SLAMF7: variants seen among roughly 807,000 people sequenced by gnomAD.
SLAMF7 encodes SLAM family member 7.
In SLAMF7, 26 loss-of-function variants were observed where a neutral mutation model predicts 34.1. That is an observed-to-expected ratio of 0.76 (90% CI 0.56 to 1.06). SLAMF7 has a LOEUF of 1.06. Among genes scored for constraint, SLAMF7 ranks in the 50% least tolerant of loss-of-function variants. SLAMF7 has a pLI of 0.00. For missense variants in SLAMF7, 399 were observed against 402.5 expected (o/e 0.99, Z 0.07); for synonymous variants, 171 against 156.4 (o/e 1.09, Z -0.70).
At position 160,751,408 on chromosome 1, in the gene SLAMF7, C is replaced by T; in HGVS notation, c.833C>T (p.Ser278Phe). The change falls in exon 5 of 7, where the codon TCT (serine) becomes TTT (phenylalanine). Residue 278 changes from serine to phenylalanine, a missense_variant. Ser to Phe is a radical substitution (Grantham distance 155, BLOSUM62 -2). Transcript: ENST00000368043. ...CRETPNICPH[S>F]GENTEYDTIP... ...GAAACTCCTAACATATGCCCCCATT[C>T]TGGAGAGAACACAGAGTACGACACA... 6.2e-7 allele frequency: 1 copy of T among 1,613,962 alleles called. No individual in the cohort carries two copies. The highest frequency in any genetic ancestry group is 1.3e-5 in the African/African-American group (1 of 75,026).
intron 1 of SLAMF7, among the ~76,000 whole-genome samples, chr1:160,744,602 G>A (rs1663996525): frequency 6.6e-6 from 1 of 152,186 alleles, no homozygotes; most frequent in South Asian, 2.1e-4. Flanking sequence ...CGTGAAAAGA[G>A]TAATTGCATG....
chr1:160,745,483 G>C (rs918064883), intron 1 of SLAMF7, among the ~76,000 whole-genome samples: 7 of 152,194 alleles, frequency 4.6e-5, no homozygotes, highest in African/African-American at 7.2e-5. Flanking sequence ...TCACCTGCTA[G>C]CTTTGTGCCC....
At chr1:160,751,204 C>T (rs933810194) in intron 4 of SLAMF7, 141 bp from the exon 5 acceptor site, 49 of 667,862 alleles carry the variant, frequency 7.3e-5, no homozygotes, top group Non-Finnish European at 1.2e-4. Flanking sequence ...ACTGAAAGTC[C>T]TCTATCCTGA....
chr1:160,749,216 G>A (rs1184978549), intron 2 of SLAMF7, among the ~76,000 whole-genome samples: 3 of 152,184 alleles, frequency 2.0e-5, no homozygotes, highest in Admixed American at 6.5e-5. Context: ...TATGTATTCT[G>A]CAGGCTAACT....
At position 160,754,319 on chromosome 1, in the gene SLAMF7, G is replaced by C. The variant is rs1294466278; in HGVS notation, c.*1142G>C. 6.6e-6 allele frequency: 1 copy of C among 152,218 alleles called. No homozygotes were observed. The highest frequency in any genetic ancestry group is 2.4e-5 in the African/African-American group (1 of 41,406). The allele number at this position is 152,218 out of a possible 1,614,324, so 9.4% of individuals were successfully genotyped here. On this transcript the variant is annotated 3_prime_UTR_variant, in exon 7 of 7. Coordinates refer to ENST00000368043, the MANE Select transcript of SLAMF7 (RefSeq NM_021181.5). Reference sequence around the variant, plus strand: ...ATACAAAAATTTGCTGAGCGTGGTGGTGTGCACCTGTAATCCCAGCTACTC... The same window carrying C: ...ATACAAAAATTTGCTGAGCGTGGTGCTGTGCACCTGTAATCCCAGCTACTC...
rs764330528 is a variant in SLAMF7, at chr1:160,752,297, C to T, written c.936+49C>T. ...TCATCTTAATGGTTCCATTTCTTTT[C>T]CTGCTTCATGTTTAGGTCAAAATTT... On this transcript the variant is annotated intron_variant, in intron 6 of 6. Transcript: ENST00000368043. 4 of 1,507,890 alleles carry T rather than the reference C, an allele frequency of 2.7e-6. No individual in the cohort carries two copies. In the South Asian group the frequency reaches 4.6e-5, roughly 17 times the overall value. The allele number at this position is 1,507,890 out of a possible 1,614,324, so 93.4% of individuals were successfully genotyped here.
intron 2 of SLAMF7, 143 bp downstream of exon 2, chr1:160,748,657 A>C (rs1664320810): frequency 2.6e-6 from 2 of 772,990 alleles, no homozygotes; most frequent in South Asian, 3.7e-5. Context: ...AAATAGATGT[A>C]GCTGACCCCT....
chr1:160,750,369 A>C lies in SLAMF7; in HGVS notation c.715A>C (p.Ser239Arg). Residue 239 changes from serine to arginine, a missense_variant, in exon 4 of 7, where the codon AGT becomes CGT. Transcript: ENST00000368043. ...LCLLLVPLLL[S>R]LFVLGLFLWF... The stretch of plus-strand genomic sequence containing the variant: ...TCTCCTGTTGGTGCCCCTCCTGCTC[A>C]GTCTCTTTGTACTGGGGCTATTTCT... The C allele has an allele frequency of 6.2e-7, 1 of 1,614,066 alleles. No homozygotes were observed. Among genetic ancestry groups the C allele is most frequent in the Non-Finnish European group, 8.5e-7 (1 of 1,179,942 alleles).
chr1:160,739,201 G>A (rs190970187), upstream of SLAMF7: 48 of 1,019,904 alleles, frequency 4.7e-5, no homozygotes, highest in Middle Eastern at 2.1e-4. Flanking sequence ...TGTCTGCGGC[G>A]TGACCCCTCC....
intron 1 of SLAMF7, among the ~76,000 whole-genome samples, chr1:160,740,539 G>T (rs1663659358): frequency 6.6e-6 from 1 of 152,198 alleles, no homozygotes; most frequent in African/African-American, 2.4e-5. Flanking sequence ...GGAACTTCCA[G>T]TGGGCAGGGC....
chr1:160,741,120 T>G (rs1558051687), intron 1 of SLAMF7, among the ~76,000 whole-genome samples: 1 of 152,314 alleles, frequency 6.6e-6, no homozygotes, highest in East Asian at 1.9e-4. Context: ...TTCTGGGATA[T>G]GGGTGTACCA....
At chr1:160,753,049 G>T in intron 6 of SLAMF7, 57 bp from the exon 7 acceptor site, 1 of 1,533,006 alleles carries the variant, frequency 6.5e-7, no homozygotes, top group Non-Finnish European at 9.0e-7. Context: ...GGTCTCCATG[G>T]ACGATCCAGA....
intron 1 of SLAMF7, among the ~76,000 whole-genome samples, chr1:160,741,122 G>C (rs1357592581): frequency 6.6e-6 from 1 of 152,112 alleles, no homozygotes; most frequent in Admixed American, 6.5e-5. Flanking sequence ...CTGGGATATG[G>C]GTGTACCAAC....
chr1:160,740,193 A>T (rs969035558), intron 1 of SLAMF7, among the ~76,000 whole-genome samples: 1 of 152,046 alleles, frequency 6.6e-6, no homozygotes, highest in African/African-American at 2.4e-5. Flanking sequence ...CAGCATCAGC[A>T]GACTCTTACC....
rs1239250211 is a variant in SLAMF7 at position 160,750,372 on chromosome 1, C to A, written c.718C>A (p.Leu240Ile). Residue 240 changes from leucine (L) to isoleucine (I), a missense_variant, in exon 4 of 7, where the codon CTC (leucine) becomes ATC (isoleucine). Leu to Ile is a conservative substitution (Grantham distance 5). Coordinates refer to ENST00000368043, the MANE Select transcript of SLAMF7 (RefSeq NM_021181.5). ...CCTGTTGGTGCCCCTCCTGCTCAGT[C>A]TCTTTGTACTGGGGCTATTTCTTTG... ...CLLLVPLLLS[L>I]FVLGLFLWFL... The A allele has an allele frequency of 6.2e-7, 1 of 1,614,068 alleles. No homozygotes were observed. Among genetic ancestry groups the A allele is most frequent in the Admixed American group, 1.7e-5 (1 of 60,026 alleles).
Position 160,748,467 on chromosome 1 carries a change from C to A in SLAMF7, c.329C>A (p.Ser110Ter). 6.2e-7 allele frequency: 1 copy of A among 1,614,062 alleles called. No individual in the cohort carries two copies. The highest frequency in any genetic ancestry group is 1.3e-5 in the African/African-American group (1 of 75,034). ...ATCTACTATGTGGGGATATACAGCT[C>A]ATCACTCCAGCAGCCCTCCACCCAG... ...SGIYYVGIYS[S>*]SLQQPSTQEY... The change falls in exon 2 of 7, where the codon TCA becomes TAA. Residue 110 changes from serine (S) to a stop codon, truncating the protein, a stop_gained. Transcript: ENST00000368043. LOFTEE classifies it high-confidence loss of function.
At chr1:160,746,478 A>G (rs2101666206) in intron 1 of SLAMF7, among the ~76,000 whole-genome samples, 1 of 152,278 alleles carries the variant, frequency 6.6e-6, no homozygotes, top group East Asian at 1.9e-4. Context: ...TTTCACCCTG[A>G]CACTTTATGT....
chr1:160,751,398 T>C lies in SLAMF7; in HGVS notation c.823T>C (p.Cys275Arg), dbSNP rs752393283. Reference protein sequence around the residue: ...VDICRETPNICPHSGENTEYD... With the variant: ...VDICRETPNIRPHSGENTEYD... ...CATTTGTCGGGAAACTCCTAACATA[T>C]GCCCCCATTCTGGAGAGAACACAGA... The change falls in exon 5 of 7, where the codon TGC becomes CGC. Residue 275 changes from cysteine to arginine, a missense_variant. Cys to Arg is a radical substitution (Grantham distance 180). Transcript: ENST00000368043. The C allele has an allele frequency of 4.3e-6, 7 of 1,613,986 alleles. No homozygotes were observed. In the South Asian group the frequency reaches 7.7e-5, roughly 18 times the overall value.
In SLAMF7 at chr1:160,751,465, C is replaced by G. The variant is rs1322607353; in HGVS notation, c.873+17C>G. ...CACACTAATGTGAGTCCCTTCTCAT[C>G]TTTCCTGAGAACTGATCCTGTCTCT... On this transcript the variant is annotated intron_variant, in intron 5 of 6. Coordinates refer to ENST00000368043, the MANE Select transcript of SLAMF7 (RefSeq NM_021181.5). 5.8e-5 allele frequency: 92 copies of G among 1,581,898 alleles called. No individual in the cohort carries two copies. Among genetic ancestry groups the G allele is most frequent in the Non-Finnish European group, 8.0e-5 (92 of 1,150,770 alleles).
Sources: gnomAD v4.1 joint callset for allele counts (sites outside exome capture counted in the v4.1 genomes callset) on GRCh38, gnomAD v4.1.1 for gene constraint, MANE v1.5 for transcripts, NCBI Gene and HGNC (gene_info 2026-07-23, HGNC 2026-07-21) for gene names.